SDE2: variants seen among roughly 807,000 people sequenced by gnomAD.
SDE2 encodes the protein splicing regulator SDE2.
Under a neutral mutation model 46.9 loss-of-function variants are expected in SDE2, and 31 were observed. The ratio of observed to expected loss-of-function variants is 0.66; its 90% CI spans 0.50 to 0.89. The LOEUF (loss-of-function observed/expected upper bound fraction) is 0.89, where lower values mean the gene tolerates loss of function less well. Ranked by LOEUF, SDE2 falls within the 40% of genes least tolerant of loss-of-function variation. The pLI is 0.00. For missense variants in SDE2, 542 were observed against 564.4 expected, an observed-to-expected ratio of 0.96 and a Z score of 0.40; for synonymous variants, 205 against 204.3, an observed-to-expected ratio of 1.00 and a Z score of -0.03.
chr1:225,988,132 C>G lies in SDE2; in HGVS notation c.898G>C (p.Glu300Gln), dbSNP rs779041650. Residue 300 changes from glutamate to glutamine, a missense_variant, in exon 6 of 7, where the codon GAG (glutamate) becomes CAG (glutamine). Glu to Gln is a conservative substitution (Grantham distance 29). Coordinates refer to ENST00000272091, the MANE Select transcript of SDE2 (RefSeq NM_152608.4). Reference protein sequence around the residue: ...GRHILEDSCAELGESKEHMES... With the variant: ...GRHILEDSCAQLGESKEHMES... ...ATGTGCTCTTTGGACTCCCCCAGCTCAGCACATGAGTCTTCTAAAATATGC... is the reference window on the plus strand; with the variant it reads ...ATGTGCTCTTTGGACTCCCCCAGCTGAGCACATGAGTCTTCTAAAATATGC... 2.5e-6 allele frequency: 4 copies of G among 1,614,092 alleles called. No individual in the cohort carries two copies. The highest frequency in any genetic ancestry group is 3.4e-6 in the Non-Finnish European group (4 of 1,180,042).
At chr1:225,996,282 T>C (rs1373660988) in intron 1 of SDE2, among the ~76,000 whole-genome samples, 2 of 152,220 alleles carry the variant, frequency 1.3e-5, no homozygotes, top group Non-Finnish European at 2.9e-5. Flanking sequence ...TTGTAAACAT[T>C]AAATGAGATA....
chr1:225,995,894 A>G (rs1656512546), intron 1 of SDE2, among the ~76,000 whole-genome samples: 1 of 152,156 alleles, frequency 6.6e-6, no homozygotes, highest in Non-Finnish European at 1.5e-5. Context: ...AGCAAAAATG[A>G]GCAAAGTTGC....
At chr1:225,997,687 T>TC (rs1279547003) in intron 1 of SDE2, among the ~76,000 whole-genome samples, 2 of 152,156 alleles carry the variant, frequency 1.3e-5, no homozygotes, top group African/African-American at 4.8e-5. Flanking sequence ...CGCCTCGACC[T>TC]CCCTAAGTGT....
At position 225,988,330 on chromosome 1, in the gene SDE2, C is replaced by T. The variant is rs781276188; in HGVS notation, c.700G>A (p.Asp234Asn). ...EGSNSESSDD[D>N]SEEAPSTSGM... Reference sequence around the variant, plus strand: ...GAAGTGCTTGGTGCTTCTTCACTGTCATCATCTGAACTCTCAGAGTTGGAC... The same window carrying T: ...GAAGTGCTTGGTGCTTCTTCACTGTTATCATCTGAACTCTCAGAGTTGGAC... The change falls in exon 6 of 7, where the codon GAC (aspartate) becomes AAC (asparagine). Residue 234 changes from aspartate to asparagine, a missense_variant. Around this residue, in one of 3 missense-constraint regions of SDE2, gnomAD observed 401 missense variants for 437.8 expected, o/e 0.92. Coordinates refer to ENST00000272091, the MANE Select transcript of SDE2 (RefSeq NM_152608.4). 2 of 1,614,142 alleles carry T rather than the reference C, an allele frequency of 1.2e-6. No individual in the cohort carries two copies. Among genetic ancestry groups the T allele is most frequent in the South Asian group, 2.2e-5 (2 of 91,058 alleles).
chr1:225,987,066 G>A (rs1262374514), intron 6 of SDE2, among the ~76,000 whole-genome samples: 1 of 152,128 alleles, frequency 6.6e-6, no homozygotes, highest in Admixed American at 6.6e-5. Context: ...TTTTTGAGAT[G>A]GAGTCTCACT....
Position 225,988,223 on chromosome 1 carries a change from C to T in SDE2, c.807G>A (p.Ala269=), listed in dbSNP as rs752979394. 5.6e-6 allele frequency: 9 copies of T among 1,614,176 alleles called. No individual in the cohort carries two copies. The highest frequency in any genetic ancestry group is 2.2e-5 in the East Asian group (1 of 44,884). Reference sequence around the variant, plus strand: ...ATCCATGGTCTGTATTCACTACTCTCGCCCTCTGAGAACCACTGGGAAATT... The same window carrying T: ...ATCCATGGTCTGTATTCACTACTCTTGCCCTCTGAGAACCACTGGGAAATT... ...AAKFPSGSQR[A]RVVNTDHGSP... is the part of the protein sequence containing the mutation. Residue 269 remains alanine (A), a synonymous_variant, in exon 6 of 7, where the codon GCG becomes GCA. Coordinates refer to ENST00000272091, the MANE Select transcript of SDE2 (RefSeq NM_152608.4).
rs972863904 is a variant in SDE2 at position 225,982,811 on chromosome 1, T to C, written c.*2491A>G. 6.6e-6 allele frequency: 1 copy of C among 152,134 alleles called. No individual in the cohort carries two copies. The highest frequency in any genetic ancestry group is 2.4e-5 in the African/African-American group (1 of 41,446). 9.4% of individuals were successfully genotyped at this position (152,134 alleles called of 1,614,324 possible). On this transcript the variant is annotated 3_prime_UTR_variant, in exon 7 of 7. Coordinates refer to ENST00000272091, the MANE Select transcript of SDE2 (RefSeq NM_152608.4). The stretch of plus-strand genomic sequence containing the variant: ...TATGACAGGACTTACAATATTTAAA[T>C]ATGTAGATTTAATATGTATGACAAC...
In SDE2 at chr1:225,988,396, A is replaced by T; in HGVS notation, c.642-8T>A. On this transcript the variant is annotated splice_region_variant and splice_polypyrimidine_tract_variant and intron_variant, in intron 5 of 6. Coordinates refer to ENST00000272091, the MANE Select transcript of SDE2 (RefSeq NM_152608.4). ...AGTCCCTCCATGCCCAACCTGTCAG[A>T]AGCAACAGAAAGGTTTAACAGCGTT... The T allele has an allele frequency of 6.2e-7, 1 of 1,613,162 alleles. No individual in the cohort carries two copies. The highest frequency in any genetic ancestry group is 8.5e-7 in the Non-Finnish European group (1 of 1,179,272).
chr1:225,983,301 G>C lies in SDE2; in HGVS notation c.*2001C>G, dbSNP rs1348168446. On this transcript the variant is annotated 3_prime_UTR_variant, in exon 7 of 7. Coordinates refer to ENST00000272091, the MANE Select transcript of SDE2 (RefSeq NM_152608.4). ...AAACCCAAATTACCAGAGACAGAGG[G>C]AAATTTCATAATGATAAAATGGTCA... The C allele has an allele frequency of 6.6e-6, 1 of 152,140 alleles. No homozygotes were observed. The highest frequency in any genetic ancestry group is 2.4e-5 in the African/African-American group (1 of 41,420). The allele number at this position is 152,140 out of a possible 1,614,324, so 9.4% of individuals were successfully genotyped here.
chr1:225,988,349 G>T lies in SDE2; in HGVS notation c.681C>A (p.Asn227Lys). ...MEGLETAEGS[N>K]SESSDDDSEE... is the part of the protein sequence containing the mutation. ...CACTGTCATCATCTGAACTCTCAGA[G>T]TTGGACCCTTCTGCAGTCTCTAGTC... The change falls in exon 6 of 7, where the codon AAC (asparagine) becomes AAA (lysine). Residue 227 changes from asparagine to lysine, a missense_variant. By Grantham distance (94) the Asn-to-Lys change is moderately conservative. Coordinates refer to ENST00000272091, the MANE Select transcript of SDE2 (RefSeq NM_152608.4). The T allele has an allele frequency of 1.2e-6, 2 of 1,614,106 alleles. No homozygotes were observed. Among genetic ancestry groups the T allele is most frequent in the Non-Finnish European group, 1.7e-6 (2 of 1,179,948 alleles).
At chr1:225,997,719 C>T (rs1227518201) in intron 1 of SDE2, among the ~76,000 whole-genome samples, 4 of 152,204 alleles carry the variant, frequency 2.6e-5, no homozygotes, top group Non-Finnish European at 5.9e-5. Flanking sequence ...GCGTGAGCCA[C>T]CACGCCTGGC....
In SDE2 at chr1:225,982,948, T is replaced by C. The variant is rs935447518; in HGVS notation, c.*2354A>G. ...TAGACTGAAAAATTAAGAATGTATA[T>C]TGTAATCACTAGAACATCCAACTTA... On this transcript the variant is annotated 3_prime_UTR_variant, in exon 7 of 7. Transcript: ENST00000272091. The C allele has an allele frequency of 4.6e-5, 7 of 152,110 alleles. No homozygotes were observed. The highest frequency in any genetic ancestry group is 3.9e-4 in the East Asian group (2 of 5,190). 9.4% of individuals were successfully genotyped at this position (152,110 alleles called of 1,614,324 possible).
Position 225,985,244 on chromosome 1 carries a change from T to C in SDE2, c.*58A>G. 7.6e-7 allele frequency: 1 copy of C among 1,321,332 alleles called. No individual in the cohort carries two copies. The highest frequency in any genetic ancestry group is 1.7e-5 in the Admixed American group (1 of 59,192). 81.9% of individuals were successfully genotyped at this position (1,321,332 alleles called of 1,614,324 possible). On this transcript the variant is annotated 3_prime_UTR_variant, in exon 7 of 7. Coordinates refer to ENST00000272091, the MANE Select transcript of SDE2 (RefSeq NM_152608.4). ...CAGGAATACTGGTCAAGAGTCCACATTATGCAGGTTGTAAATGGTAGACAC... is the reference window on the plus strand; with the variant it reads ...CAGGAATACTGGTCAAGAGTCCACACTATGCAGGTTGTAAATGGTAGACAC...
chr1:225,993,526 G>A (rs1035945692), intron 2 of SDE2, among the ~76,000 whole-genome samples: 1 of 151,928 alleles, frequency 6.6e-6, no homozygotes, highest in Non-Finnish European at 1.5e-5. Flanking sequence ...GCAGGAGAAT[G>A]GCGTGAACCC....
intron 2 of SDE2, among the ~76,000 whole-genome samples, chr1:225,993,645 G>A (rs1184674303): frequency 1.3e-5 from 2 of 151,580 alleles, no homozygotes; most frequent in African/African-American, 4.8e-5. Context: ...CACAATCACA[G>A]AGATCCCAAG....
intron 4 of SDE2, among the ~76,000 whole-genome samples, 175 bp downstream of exon 4, chr1:225,992,223 T>TA (rs1005821937): frequency 5.9e-5 from 9 of 152,114 alleles, no homozygotes; most frequent in African/African-American, 1.4e-4. Context: ...TGTTCTTTTT[T>TA]AAAAAAATAC....
chr1:225,997,106 C>T (rs956621146), intron 1 of SDE2, among the ~76,000 whole-genome samples: 1 of 152,170 alleles, frequency 6.6e-6, no homozygotes, highest in Non-Finnish European at 1.5e-5. Flanking sequence ...GACATTATGA[C>T]ACATCACCAT....
intron 5 of SDE2, among the ~76,000 whole-genome samples, chr1:225,989,307 AAAT>A (rs1371056098): frequency 8.9e-4 from 119 of 134,378 alleles, no homozygotes; most frequent in South Asian, 2.1e-3. Context: ...AAAAAAAAAA[AAAT>A]AATAATAATA....
chr1:225,990,075 CAA>C (rs776282584), intron 5 of SDE2, among the ~76,000 whole-genome samples: 9 of 114,414 alleles, frequency 7.9e-5, no homozygotes, highest in Admixed American at 9.2e-5. Flanking sequence ...GAACCTGTCT[CAA>C]AAAAAAAAAA....
Sources: allele counts gnomAD v4.1 joint callset (sites outside exome capture counted in the v4.1 genomes callset), GRCh38; gene constraint gnomAD v4.1.1; regional missense constraint gnomAD v4.1.1; transcripts MANE v1.5; gene names NCBI Gene and HGNC (gene_info 2026-07-23, HGNC 2026-07-21).